Variants in SCAF11 observed in about 807,000 individuals in gnomAD.
SCAF11 encodes the protein SR-related CTD associated factor 11, also known as protein SCAF11.
In SCAF11, 47 loss-of-function variants were observed where a neutral mutation model predicts 140.5. The observed-to-expected ratio is 0.33, with a 90% CI of 0.26 to 0.43. The LOEUF (loss-of-function observed/expected upper bound fraction) is 0.43. Among genes scored for constraint, SCAF11 ranks in the 20% least tolerant of loss-of-function variants. The probability of loss-of-function intolerance (pLI) is 1.00; values close to 1 mark genes in which losing one functional copy is unlikely to be tolerated. For synonymous variants in SCAF11, 557 were observed against 579.4 expected (o/e 0.96, Z 0.55); for missense variants, 1,645 against 1,705.1 (o/e 0.96, Z 0.62).
In SCAF11 at chr12:45,931,515, C is replaced by T. The variant is rs772696373; in HGVS notation, c.832G>A (p.Glu278Lys). 12 of 1,416,518 alleles carry T rather than the reference C, an allele frequency of 8.5e-6. No individual in the cohort carries two copies. Among genetic ancestry groups the T allele is most frequent in the Admixed American group, 2.8e-5 (1 of 36,322 alleles). 87.7% of individuals were successfully genotyped at this position (1,416,518 alleles called of 1,614,324 possible). A position where few individuals can be genotyped will look rare whatever the true frequency, so the allele number is the denominator to read the frequency against. Residue 278 changes from glutamate (E) to lysine (K), a missense_variant, in exon 10 of 15, where the codon GAA (glutamate) becomes AAA (lysine). Glu to Lys is a moderately conservative substitution (Grantham distance 56). Around this residue, in one of 2 missense-constraint regions of SCAF11, gnomAD observed 1,582 missense variants for 1,609.2 expected, o/e 0.98. Transcript: ENST00000369367. ...TIFPTSTISF[E>K]HFGTSCKGYA... ...ATTTCACAAACTTTACCAAAATGTT[C>T]GAAAGATATGGTACTTGTTGGAAAA...
chr12:45,978,738 T>C (rs1946289309), intron 1 of SCAF11, among the ~76,000 whole-genome samples: 1 of 152,140 alleles, frequency 6.6e-6, no homozygotes, highest in Non-Finnish European at 1.5e-5. Context: ...TGGTGTACCC[T>C]GGAAAGACTT....
chr12:45,931,534 T>G lies in SCAF11; in HGVS notation c.813A>C (p.Pro271=), dbSNP rs1164859286. The G allele has an allele frequency of 1.3e-6, 2 of 1,495,854 alleles. No individual in the cohort carries two copies. Among genetic ancestry groups the G allele is most frequent in the African/African-American group, 2.9e-5 (2 of 69,318 alleles). 92.7% of individuals were successfully genotyped at this position (1,495,854 alleles called of 1,614,324 possible). The change falls in exon 10 of 15, where the codon CCA becomes CCC. Residue 271 remains proline (P), a synonymous_variant. Coordinates refer to ENST00000369367, the MANE Select transcript of SCAF11 (RefSeq NM_004719.3). ...AATGTTCGAAAGATATGGTACTTGT[T>G]GGAAAAATAGTTCTTGGCAACACAG... is the stretch of plus-strand genomic sequence containing the variant. ...ISSVLPRTIF[P]TSTISFEHFG...
chr12:45,938,876 A>C (rs560295703), intron 6 of SCAF11, among the ~76,000 whole-genome samples: 38 of 149,616 alleles, frequency 2.5e-4, no homozygotes, highest in African/African-American at 8.6e-4. Context: ...TGAAAGGGAG[A>C]TCCTGTCTGT....
chr12:45,946,321 G>A (rs1945422697), intron 5 of SCAF11, among the ~76,000 whole-genome samples: 1 of 152,126 alleles, frequency 6.6e-6, no homozygotes, highest in African/African-American at 2.4e-5. Flanking sequence ...GGAAGACCAA[G>A]TATCCAGTAA....
chr12:45,968,398 C>A (rs1368975870), intron 1 of SCAF11, among the ~76,000 whole-genome samples: 1 of 152,036 alleles, frequency 6.6e-6, no homozygotes, highest in Non-Finnish European at 1.5e-5. Flanking sequence ...TGCTCTTTTC[C>A]ATTTCATAAC....
At chr12:45,934,580 C>T (rs1164784953) in intron 6 of SCAF11, 75 bp from the exon 7 acceptor site, 2 of 915,984 alleles carry the variant, frequency 2.2e-6, no homozygotes, top group African/African-American at 1.7e-5. Context: ...AGCATCGATA[C>T]CAGCACATTG....
chr12:45,957,814 T>C (rs1043858968), intron 3 of SCAF11, among the ~76,000 whole-genome samples: 7 of 152,172 alleles, frequency 4.6e-5, no homozygotes, highest in African/African-American at 1.4e-4. Context: ...GCTTTAAACA[T>C]GTGTCTTCAA....
At position 45,926,722 on chromosome 12, in the gene SCAF11, A is replaced by G. The variant is rs1592165079; in HGVS notation, c.2979T>C (p.Asn993=). ...CATTTTTTTCTTTTCTTGTATTTTC[A>G]TTCTGTTTCTCTGGGTCATTCTTTC... ...RYRKNDPEKQ[N]ENTRKEKNDI... The change falls in exon 11 of 15, where the codon AAT becomes AAC. Residue 993 remains asparagine, a synonymous_variant. Transcript: ENST00000369367. 1 of 1,612,908 alleles carries G rather than the reference A, an allele frequency of 6.2e-7. No individual in the cohort carries two copies. Among genetic ancestry groups the G allele is most frequent in the Non-Finnish European group, 8.5e-7 (1 of 1,179,852 alleles).
Position 45,928,478 on chromosome 12 carries a change from T to TC in SCAF11, c.1222dup (p.Glu408GlyfsTer7), listed in dbSNP as rs752356482. The TC allele has an allele frequency of 6.2e-7, 1 of 1,613,330 alleles. No individual in the cohort carries two copies. The highest frequency in any genetic ancestry group is 8.5e-7 in the Non-Finnish European group (1 of 1,179,588). The stretch of plus-strand genomic sequence containing the variant: ...TGATGTGTCAGATTCTGCTGTTTCT[T>TC]CATCTACTGAATCATTGGAAGATGA... On this transcript the variant is annotated frameshift_variant, in exon 11 of 15. Coordinates refer to ENST00000369367, the MANE Select transcript of SCAF11 (RefSeq NM_004719.3). LOFTEE classifies it high-confidence loss of function.
chr12:45,922,277 C>T, intron 14 of SCAF11, 83 bp from the exon 15 acceptor site: 1 of 1,487,008 alleles, frequency 6.7e-7, no homozygotes, highest in Non-Finnish European at 9.0e-7. Flanking sequence ...GAAAAACAAC[C>T]CCAAAGAGAT....
intron 6 of SCAF11, among the ~76,000 whole-genome samples, chr12:45,940,832 T>C (rs1945278874): frequency 6.6e-6 from 1 of 152,184 alleles, no homozygotes; most frequent in Admixed American, 6.5e-5. Context: ...AGAAAGGGTC[T>C]TACTCTGGCG....
At chr12:45,989,989 A>C (rs1418055768) in intron 1 of SCAF11, among the ~76,000 whole-genome samples, 1 of 142,314 alleles carries the variant, frequency 7.0e-6, no homozygotes, top group East Asian at 2.2e-4. Context: ...CCCCCCCCGT[A>C]GGACCCTGCA....
Position 45,927,945 on chromosome 12 carries a change from CTG to C in SCAF11, c.1754_1755del (p.Thr585ArgfsTer9). On this transcript the variant is annotated frameshift_variant, in exon 11 of 15. Transcript: ENST00000369367. LOFTEE classifies it high-confidence loss of function. ...VESVVNEEKI[T>X]ESSLVEITEH... ...TCAGTAATTTCTACTAGGGAACTCTCTGTTATTTTTTCTTCATTAACCACTGA... is the reference window on the plus strand; with the variant it reads ...TCAGTAATTTCTACTAGGGAACTCTCTTATTTTTTCTTCATTAACCACTGA... The C allele has an allele frequency of 6.2e-7, 1 of 1,613,418 alleles. No homozygotes were observed. The highest frequency in any genetic ancestry group is 8.5e-7 in the Non-Finnish European group (1 of 1,179,922).
In SCAF11 at chr12:45,921,825, T is replaced by G. The variant is rs576565857; in HGVS notation, c.*223A>C. ...ATGCACATTCCTTTAAACCCTTTAC[T>G]TTCCCTTGAATTTTGTGGGGGAGGG... On this transcript the variant is annotated 3_prime_UTR_variant, in exon 15 of 15. Transcript: ENST00000369367. The G allele has an allele frequency of 2.0e-6, 1 of 507,686 alleles. No individual in the cohort carries two copies. The highest frequency in any genetic ancestry group is 1.9e-5 in the African/African-American group (1 of 51,900). 31.4% of individuals were successfully genotyped at this position (507,686 alleles called of 1,614,324 possible).
At chr12:45,933,958 T>C (rs78207461) in intron 8 of SCAF11, among the ~76,000 whole-genome samples, 1 of 152,234 alleles carries the variant, frequency 6.6e-6, no homozygotes, top group South Asian at 2.1e-4. Flanking sequence ...CACACTGGCA[T>C]AGGCAATCAC....
At position 45,942,276 on chromosome 12, in the gene SCAF11, A is replaced by T. The variant is rs549903508; in HGVS notation, c.463+2973T>A. On this transcript the variant is annotated intron_variant, in intron 6 of 14. Coordinates refer to ENST00000369367, the MANE Select transcript of SCAF11 (RefSeq NM_004719.3). ...AGGATCAATGGTACATACAGAATGG[A>T]ACCACTTATCATCATCTCCACTAAT... 2.3e-4 allele frequency among the ~76,000 whole-genome samples: 35 copies of T among 152,336 alleles called. No individual in the cohort carries two copies. In the South Asian group the frequency reaches 6.4e-3, roughly 28 times the overall value.
rs1945840715 is a variant in SCAF11, at chr12:45,961,849, T to C, written c.70A>G (p.Asn24Asp). 1 of 1,598,884 alleles carries C rather than the reference T, an allele frequency of 6.3e-7. No individual in the cohort carries two copies. Among genetic ancestry groups the C allele is most frequent in the Non-Finnish European group, 8.5e-7 (1 of 1,174,214 alleles). The part of the protein sequence containing the change: ...KKYEDMEGEE[N>D]GDNTISTGLL... Reference sequence around the variant, plus strand: ...CCAGTGGAAATAGTATTATCTCCGTTTTCTTCACCTGTTAAAGTAAAACAG... The same window carrying C: ...CCAGTGGAAATAGTATTATCTCCGTCTTCTTCACCTGTTAAAGTAAAACAG... Residue 24 changes from asparagine (N) to aspartate (D), a missense_variant, in exon 3 of 15, where the codon AAC becomes GAC. By Grantham distance (23) the Asn-to-Asp change is conservative. Around this residue, in one of 2 missense-constraint regions of SCAF11, gnomAD observed 1,582 missense variants for 1,609.2 expected, o/e 0.98. Coordinates refer to ENST00000369367, the MANE Select transcript of SCAF11 (RefSeq NM_004719.3).
intron 10 of SCAF11, chr12:45,930,985 C>A (rs1393160962): frequency 6.6e-6 from 1 of 152,184 alleles, no homozygotes; most frequent in Non-Finnish European, 1.5e-5. Context: ...CAAGGGTCAA[C>A]TGTATTATTA....
chr12:45,953,968 T>C, intron 3 of SCAF11: 1 of 384,334 alleles, frequency 2.6e-6, no homozygotes, highest in South Asian at 6.0e-5. Flanking sequence ...ATATGATACA[T>C]ATACAAGTGA....
Sources: gnomAD v4.1 joint callset for allele counts (sites outside exome capture counted in the v4.1 genomes callset) on GRCh38, gnomAD v4.1.1 for gene constraint, gnomAD v4.1.1 regional missense constraint, MANE v1.5 for transcripts, NCBI Gene and HGNC (gene_info 2026-07-23, HGNC 2026-07-21) for gene names.